The following CSGALNACT1 variants were observed in gnomAD, a reference collection of about 807,000 sequenced individuals.
CSGALNACT1 encodes chondroitin sulfate N-acetylgalactosaminyltransferase 1, also known as beta4GalNAcT-1.
In CSGALNACT1, 52 loss-of-function variants were observed where a neutral mutation model predicts 51.0. That is an observed-to-expected ratio of 1.02 (90% CI 0.82 to 1.29). The LOEUF is 1.29. CSGALNACT1 is among the 50% of genes most tolerant of loss of function. The probability of loss-of-function intolerance (pLI) is 0.00; values close to 1 mark genes in which losing one functional copy is unlikely to be tolerated. For synonymous variants in CSGALNACT1, 341 were observed against 254.4 expected, an observed-to-expected ratio of 1.34 and a Z score of -3.24; for missense variants, 935 against 679.2, an observed-to-expected ratio of 1.38 and a Z score of -4.19.
intron 3 of CSGALNACT1, among the ~76,000 whole-genome samples, chr8:19,585,525 G>A (rs1211981826): frequency 6.6e-6 from 1 of 152,182 alleles, no homozygotes; most frequent in Non-Finnish European, 1.5e-5. Flanking sequence ...CTTGGATGTT[G>A]TCATTTGAGC....
chr8:19,708,084 G>C (rs114917690), intron 1 of CSGALNACT1, among the ~76,000 whole-genome samples: 8,315 of 152,298 alleles, frequency 0.055, 288 homozygotes, highest in African/African-American at 0.09. Flanking sequence ...GAGCTGAGCA[G>C]AGGAAGGAAC....
intron 3 of CSGALNACT1, chr8:19,532,021 A>G (rs748172814): frequency 9.2e-5 from 14 of 151,860 alleles, no homozygotes; most frequent in Non-Finnish European, 1.6e-4. Flanking sequence ...TTTCTTTCCT[A>G]TTCTAAGGAA....
At chr8:19,433,564 C>T (rs971054999) in intron 6 of CSGALNACT1, among the ~76,000 whole-genome samples, 1 of 152,214 alleles carries the variant, frequency 6.6e-6, no homozygotes, top group African/African-American at 2.4e-5. Context: ...GACAAATGCT[C>T]TCCCTGAAGA....
intron 3 of CSGALNACT1, among the ~76,000 whole-genome samples, chr8:19,568,747 C>G (rs1168604043): frequency 1.7e-4 from 26 of 152,156 alleles, no homozygotes; most frequent in Non-Finnish European, 3.8e-4. Context: ...CCAATACAAC[C>G]TCGCATTGCA....
At chr8:19,495,272 C>A (rs2075252455) in intron 4 of CSGALNACT1, 1 of 152,148 alleles carries the variant, frequency 6.6e-6, no homozygotes, top group Non-Finnish European at 1.5e-5. Flanking sequence ...TTTACAATGC[C>A]AGGAAATACA....
chr8:19,664,085 G>A (rs1161510631), intron 1 of CSGALNACT1, among the ~76,000 whole-genome samples: 2 of 152,168 alleles, frequency 1.3e-5, no homozygotes, highest in South Asian at 4.1e-4. Flanking sequence ...CCCACACAAT[G>A]GCTCGGCCCA....
chr8:19,627,132 GAAACTGACACCAACCC>G (rs1264531002), intron 1 of CSGALNACT1, among the ~76,000 whole-genome samples: 1 of 152,164 alleles, frequency 6.6e-6, no homozygotes, highest in African/African-American at 2.4e-5. Flanking sequence ...TAATAGCCAA[GAAACTGACACCAACCC>G]AAATGTCTTT....
intron 1 of CSGALNACT1, among the ~76,000 whole-genome samples, chr8:19,640,114 T>C (rs1348096633): frequency 6.6e-6 from 1 of 152,000 alleles, no homozygotes; most frequent in Non-Finnish European, 1.5e-5. Context: ...TGGGGGGAAA[T>C]AACAAAGATA....
intron 4 of CSGALNACT1, among the ~76,000 whole-genome samples, chr8:19,496,332 A>G (rs2075444403): frequency 6.6e-6 from 1 of 152,164 alleles, no homozygotes; most frequent in Non-Finnish European, 1.5e-5. Context: ...CTAATAAGGG[A>G]CTTCCAGATT....
intron 3 of CSGALNACT1, among the ~76,000 whole-genome samples, chr8:19,513,410 C>CTCTT (rs1449289412): frequency 4.9e-5 from 3 of 61,106 alleles, no homozygotes; most frequent in Non-Finnish European, 1.0e-4. Flanking sequence ...AATTTTCTCT[C>CTCTT]TCTCACTCTC....
chr8:19,670,571 A>G (rs2059711451), intron 1 of CSGALNACT1, among the ~76,000 whole-genome samples: 1 of 149,468 alleles, frequency 6.7e-6, no homozygotes, highest in African/African-American at 2.5e-5. Context: ...TATTTTATAC[A>G]CAGGAAACCA....
At chr8:19,742,464 A>T (rs1159395700) in intron 1 of CSGALNACT1, among the ~76,000 whole-genome samples, 1 of 152,226 alleles carries the variant, frequency 6.6e-6, no homozygotes, top group Non-Finnish European at 1.5e-5. Flanking sequence ...CAGGCTGAAT[A>T]TGCAAGATGC....
chr8:19,429,778 G>A (rs1045146169), intron 6 of CSGALNACT1, among the ~76,000 whole-genome samples: 4 of 152,124 alleles, frequency 2.6e-5, no homozygotes, highest in South Asian at 2.1e-4. Context: ...ATAATACTAC[G>A]TTTAACCATG....
chr8:19,757,342 G>C lies in CSGALNACT1; in HGVS notation c.-297+508C>G, dbSNP rs1185325457. On this transcript the variant is annotated intron_variant, in intron 1 of 1. Coordinates refer to the CSGALNACT1 transcript ENST00000517494. This position sits in a 1 kb window ranked among gnomAD's most constrained non-coding sequence, Gnocchi z 4.0. ...GGGGGCGGGGAGCAGCGGCGGCGGC[G>C]GCGGCTCGGGCGGGCGGGCGCAACA... 1 of 150,844 alleles carries C rather than the reference G, an allele frequency of 6.6e-6. No homozygotes were observed. The highest frequency in any genetic ancestry group is 2.4e-5 in the African/African-American group (1 of 41,164). The allele number at this position is 150,844 out of a possible 1,614,324, so 9.3% of individuals were successfully genotyped here. A position where few individuals can be genotyped will look rare whatever the true frequency, so the allele number is the denominator to read the frequency against.
At chr8:19,637,804 G>A (rs1204529121) in intron 1 of CSGALNACT1, among the ~76,000 whole-genome samples, 1 of 150,542 alleles carries the variant, frequency 6.6e-6, no homozygotes, top group East Asian at 1.9e-4. Context: ...AATTATACTC[G>A]TTGTACGAGA....
At chr8:19,695,782 C>G (rs2154218005) in intron 1 of CSGALNACT1, among the ~76,000 whole-genome samples, 1 of 152,104 alleles carries the variant, frequency 6.6e-6, no homozygotes, top group African/African-American at 2.4e-5. Flanking sequence ...TTTGTGGAGT[C>G]AAAAAGGAGT....
chr8:19,714,770 G>C (rs1222623217), intron 1 of CSGALNACT1, among the ~76,000 whole-genome samples: 2 of 146,560 alleles, frequency 1.4e-5, no homozygotes, highest in Admixed American at 6.8e-5. Context: ...TTTTTTTTCT[G>C]TTTTCTAACT....
rs776949539 is a variant in CSGALNACT1 at position 19,654,155 on chromosome 8, G to T, written c.-544+28318C>A. 2.6e-5 allele frequency among the ~76,000 whole-genome samples: 4 copies of T among 152,280 alleles called. No individual in the cohort carries two copies. In the East Asian group the frequency reaches 5.8e-4, roughly 22 times the overall value. On this transcript the variant is annotated intron_variant, in intron 1 of 9. Transcript: ENST00000332246. ...TTGAGGACCTCCACATTATGACATC[G>T]ATGTGAGTCAGTAAGTCAGTAATAG...
At chr8:19,650,945 C>T (rs978482262) in intron 1 of CSGALNACT1, among the ~76,000 whole-genome samples, 1 of 152,092 alleles carries the variant, frequency 6.6e-6, no homozygotes, top group Admixed American at 6.6e-5. Flanking sequence ...AGAGGCATCA[C>T]CAGATAATTC....
Sources: allele counts gnomAD v4.1 joint callset (sites outside exome capture counted in the v4.1 genomes callset), GRCh38; gene constraint gnomAD v4.1.1; non-coding constraint Gnocchi (gnomAD v3.1); transcripts MANE v1.5; gene names NCBI Gene and HGNC (gene_info 2026-07-23, HGNC 2026-07-21).